The following FIRRM variants were observed in gnomAD, a reference collection of about 807,000 sequenced individuals.
FIRRM encodes the protein FIGNL1 interacting regulator of recombination and mitosis.
At chr1:169,789,134 G>T in the FIRRM span, among the ~76,000 whole-genome samples, 5 of 152,120 alleles carry the variant, frequency 3.3e-5, no homozygotes, top group African/African-American at 7.2e-5. Context: ...TTTACCCAAA[G>T]AAAATCCTTA....
At chr1:169,813,016 T>G in the FIRRM span, among the ~76,000 whole-genome samples, 2 of 152,186 alleles carry the variant, frequency 1.3e-5, no homozygotes, top group African/African-American at 4.8e-5. Context: ...TTAATGAAGA[T>G]TTTGCTATAT....
At chr1:169,791,282 T>C in the FIRRM span, among the ~76,000 whole-genome samples, 1 of 152,238 alleles carries the variant, frequency 6.6e-6, no homozygotes, top group Non-Finnish European at 1.5e-5. Context: ...AATTATTTGA[T>C]TATAAATTAC....
the FIRRM span, among the ~76,000 whole-genome samples, chr1:169,803,908 T>C: frequency 6.6e-6 from 1 of 152,236 alleles, no homozygotes; most frequent in African/African-American, 2.4e-5. Flanking sequence ...TAATATTTTA[T>C]ACATGCTTGC....
At chr1:169,825,218 A>G in the FIRRM span, among the ~76,000 whole-genome samples, 72,319 of 152,144 alleles carry the variant, frequency 0.48, 17,546 homozygotes, top group Middle Eastern at 0.59. Context: ...TTCTCCACAA[A>G]GTAGCCAAAG....
chr1:169,842,423 G>C, the FIRRM span: 4 of 1,613,658 alleles, frequency 2.5e-6, no homozygotes, highest in African/African-American at 5.3e-5. Context: ...TCAGAACACA[G>C]TACTGTCTGC....
the FIRRM span, among the ~76,000 whole-genome samples, chr1:169,834,419 A>G: frequency 6.6e-6 from 1 of 152,206 alleles, no homozygotes; most frequent in Non-Finnish European, 1.5e-5. Context: ...TAAGATACAC[A>G]TATGGCATGA....
the FIRRM span, among the ~76,000 whole-genome samples, chr1:169,810,834 A>ATT: frequency 0.012 from 754 of 61,208 alleles, 242 homozygotes; most frequent in Admixed American, 0.015. Flanking sequence ...TTAGCCCCCA[A>ATT]TTTTTTTTTT....
the FIRRM span, chr1:169,800,783 C>A: frequency 1.3e-4 from 48 of 375,372 alleles, no homozygotes; most frequent in Middle Eastern, 8.4e-4. Flanking sequence ...GAAAGTGTAT[C>A]AAGCTTTAGA....
the FIRRM span, among the ~76,000 whole-genome samples, chr1:169,820,668 G>A: frequency 6.6e-6 from 1 of 152,148 alleles, no homozygotes; most frequent in South Asian, 2.1e-4. Context: ...TCTAACTCCC[G>A]TAAGTTAGGC....
At chr1:169,795,003 T>G in the FIRRM span, 2 of 923,592 alleles carry the variant, frequency 2.2e-6, no homozygotes, top group Admixed American at 2.1e-5. Context: ...CTCTCTATGG[T>G]TTTGGAGCCG....
the FIRRM span, among the ~76,000 whole-genome samples, chr1:169,838,469 T>C: frequency 6.6e-6 from 1 of 152,046 alleles, no homozygotes; most frequent in Non-Finnish European, 1.5e-5. Context: ...CGTCTTTTAT[T>C]TTAAATTTTT....
chr1:169,796,007 T>C, the FIRRM span: 1 of 974,620 alleles, frequency 1.0e-6, no homozygotes, highest in Non-Finnish European at 1.2e-6. Context: ...ATATGTATCT[T>C]TTTCACAACA....
the FIRRM span, among the ~76,000 whole-genome samples, chr1:169,828,234 A>G: frequency 6.6e-6 from 1 of 152,146 alleles, no homozygotes; most frequent in African/African-American, 2.4e-5. Context: ...TCCAGGCTCT[A>G]GTTTCTTTCT....
the FIRRM span, among the ~76,000 whole-genome samples, chr1:169,821,496 G>A: frequency 6.6e-6 from 1 of 151,864 alleles, no homozygotes; most frequent in African/African-American, 2.4e-5. Flanking sequence ...GTTGTCATTT[G>A]TTATTTGTAT....
At chr1:169,829,172 TAAAC>T in the FIRRM span, 19 of 1,186,182 alleles carry the variant, frequency 1.6e-5, no homozygotes, top group African/African-American at 9.4e-5. Context: ...ATTTTCTGCT[TAAAC>T]AACCTTCCAT....
chr1:169,819,184 A>G, the FIRRM span, among the ~76,000 whole-genome samples: 9 of 152,336 alleles, frequency 5.9e-5, no homozygotes, highest in East Asian at 1.7e-3. Context: ...AGGCAGTCCA[A>G]TGATTTTACC....
the FIRRM span, among the ~76,000 whole-genome samples, chr1:169,823,694 A>G: frequency 6.6e-6 from 1 of 152,152 alleles, no homozygotes; most frequent in South Asian, 2.1e-4. Flanking sequence ...TACAGGAGTA[A>G]TAATTAGTAG....
chr1:169,806,272 C>T, the FIRRM span, among the ~76,000 whole-genome samples: 1 of 152,192 alleles, frequency 6.6e-6, no homozygotes, highest in Admixed American at 6.5e-5. Context: ...CTTCTTTACC[C>T]TGTGGCCTCT....
At chr1:169,790,263 C>T in the FIRRM span, among the ~76,000 whole-genome samples, 12 of 152,028 alleles carry the variant, frequency 7.9e-5, no homozygotes, top group African/African-American at 1.5e-4. Context: ...CTGCAACCTC[C>T]GCCTCCTGGG....
Sources: allele counts gnomAD v4.1 joint callset (sites outside exome capture counted in the v4.1 genomes callset), GRCh38; gene constraint gnomAD v4.1.1; transcripts MANE v1.5; gene names NCBI Gene and HGNC (gene_info 2026-07-23, HGNC 2026-07-21).